HEATR5A: variants seen among roughly 807,000 people sequenced by gnomAD.
HEATR5A encodes the protein HEAT repeat-containing protein 5A.
Under a neutral mutation model 218.8 loss-of-function variants are expected in HEATR5A, and 178 were observed. That is an observed-to-expected ratio of 0.81 (90% CI 0.72 to 0.92). HEATR5A has a LOEUF of 0.92. Ranked by LOEUF, HEATR5A falls within the 40% of genes least tolerant of loss-of-function variation. The probability of loss-of-function intolerance (pLI) is 0.00; values close to 1 mark genes in which losing one functional copy is unlikely to be tolerated. For missense variants in HEATR5A, 2,420 were observed against 2,418.9 expected (o/e 1.00, Z -0.01); for synonymous variants, 864 against 871.6 (o/e 0.99, Z 0.15).
intron 28 of HEATR5A, 25 bp from the exon 29 acceptor site, chr14:31,309,207 A>G (rs1043600503): frequency 4.4e-6 from 7 of 1,602,182 alleles, no homozygotes; most frequent in African/African-American, 2.7e-5. Context: ...TTCAGGAAAA[A>G]TAAGAGATTA....
Position 31,302,323 on chromosome 14 carries a change from T to C in HEATR5A, c.5436A>G (p.Leu1812=), listed in dbSNP as rs909157282. The C allele has an allele frequency of 2.5e-6, 4 of 1,600,382 alleles. No homozygotes were observed. The highest frequency in any genetic ancestry group is 2.7e-5 in the African/African-American group (2 of 74,754). Residue 1812 remains leucine, a synonymous_variant, in exon 33 of 36, where the codon TTA becomes TTG. Transcript: ENST00000543095. ...TAWTDLLRSA[L]TTILDCWDPV... is the part of the protein sequence containing the mutation. ...GATCCCAACAGTCAAGAATTGTTGT[T>C]AAGGCACTTCGGAGAAGGTCAGTCC...
chr14:31,314,698 G>A (rs568412374), intron 27 of HEATR5A, among the ~76,000 whole-genome samples: 42 of 152,206 alleles, frequency 2.8e-4, no homozygotes, highest in African/African-American at 9.6e-4. Flanking sequence ...ACTGCACCTG[G>A]CCAGACCCAG....
At chr14:31,380,414 A>T in intron 11 of HEATR5A, 53 bp downstream of exon 11, 1 of 1,093,664 alleles carries the variant, frequency 9.1e-7, no homozygotes, top group Non-Finnish European at 1.4e-6. Flanking sequence ...GAATCATTTC[A>T]CTCAGAAAAC....
intron 21 of HEATR5A, among the ~76,000 whole-genome samples, chr14:31,338,803 T>G (rs1421568447): frequency 6.6e-6 from 1 of 152,000 alleles, no homozygotes; most frequent in South Asian, 2.1e-4. Flanking sequence ...AAAAGGTAGG[T>G]AGTAGGAGCT....
chr14:31,305,874 G>C (rs1899540452), intron 31 of HEATR5A, among the ~76,000 whole-genome samples: 1 of 152,080 alleles, frequency 6.6e-6, no homozygotes, highest in Non-Finnish European at 1.5e-5. Context: ...CCTATCTCTG[G>C]CCATCTATTT....
intron 16 of HEATR5A, among the ~76,000 whole-genome samples, chr14:31,358,257 G>C (rs1482306196): frequency 2.0e-5 from 3 of 152,124 alleles, no homozygotes; most frequent in African/African-American, 7.2e-5. Context: ...TCCAACTGAA[G>C]ACAAATCCCT....
At chr14:31,343,321 G>C (rs1900904189) in intron 21 of HEATR5A, among the ~76,000 whole-genome samples, 1 of 152,094 alleles carries the variant, frequency 6.6e-6, no homozygotes, top group Non-Finnish European at 1.5e-5. Flanking sequence ...TGCCCACCTT[G>C]GCCTCCCAAA....
rs577497140 is a variant in HEATR5A at position 31,344,268 on chromosome 14, C to CTTTTTTTTTTTTTTTTTTTTTT, written c.3059-225_3059-204dup. Among the ~76,000 whole-genome samples the CTTTTTTTTTTTTTTTTTTTTTT allele has an allele frequency of 1.8e-4, 9 of 50,832 alleles. 3 individuals carry two copies. The highest frequency in any genetic ancestry group is 6.5e-4 in the Admixed American group (2 of 3,058). The allele number at this position is 50,832 out of a possible 152,430, so 33.3% of individuals were successfully genotyped here. ...GTTACAGATTGTTAGATTAGTTATT[C>CTTTTTTTTTTTTTTTTTTTTTT]TTTTTTTTTTTTTTTTTTTTTTTTT... On this transcript the variant is annotated intron_variant, in intron 20 of 35. Transcript: ENST00000543095.
In HEATR5A at chr14:31,330,469, ATT is replaced by A. The variant is rs368666128; in HGVS notation, c.3368-4129_3368-4128del. ...GAGGTCTTTGACATGCCCTGGAGAC[ATT>A]TTCTTCATTGTCTTGGCAAAAAGAT... On this transcript the variant is annotated intron_variant, in intron 22 of 35. Coordinates refer to ENST00000543095, the MANE Select transcript of HEATR5A (RefSeq NM_015473.4). Among the ~76,000 whole-genome samples the A allele has an allele frequency of 2.1e-4, 32 of 152,036 alleles. 1 individual carries two copies. In the East Asian group the frequency reaches 4.8e-3, roughly 23 times the overall value.
In HEATR5A at chr14:31,345,108, T is replaced by TGGTA; in HGVS notation, c.3033_3036dup (p.Thr1013TyrfsTer10). The stretch of plus-strand genomic sequence containing the variant: ...ACACCTTGTAGCTCTGGACCTAACG[T>TGGTA]GGTAATAAGGGCATTCAAACAGCGA... On this transcript the variant is annotated frameshift_variant, in exon 20 of 36. Transcript: ENST00000543095. LOFTEE classifies it high-confidence loss of function. 1 of 1,613,016 alleles carries TGGTA rather than the reference T, an allele frequency of 6.2e-7. No homozygotes were observed. Among genetic ancestry groups the TGGTA allele is most frequent in the Middle Eastern group, 1.7e-4 (1 of 6,058 alleles).
chr14:31,317,678 A>T (rs1899957060), intron 26 of HEATR5A, among the ~76,000 whole-genome samples: 1 of 152,216 alleles, frequency 6.6e-6, no homozygotes, highest in African/African-American at 2.4e-5. Context: ...TCTTAAGTAT[A>T]TGAAAAAGTG....
At chr14:31,397,120 C>T (rs1258636868) in intron 4 of HEATR5A, among the ~76,000 whole-genome samples, 3 of 152,102 alleles carry the variant, frequency 2.0e-5, no homozygotes, top group Non-Finnish European at 4.4e-5. Flanking sequence ...ATCAGTTTTA[C>T]GTTAGAGTCT....
chr14:31,357,478 T>C (rs892109466), intron 16 of HEATR5A, among the ~76,000 whole-genome samples: 1 of 152,078 alleles, frequency 6.6e-6, no homozygotes, highest in African/African-American at 2.4e-5. Flanking sequence ...ATGACAGTGA[T>C]TTGTAAACTA....
In HEATR5A at chr14:31,292,465, TA is replaced by T. The variant is rs1899055921; in HGVS notation, c.*839del. On this transcript the variant is annotated 3_prime_UTR_variant, in exon 36 of 36. Transcript: ENST00000543095. ...TTATGTTGCACTGTAAGGCTGTAAG[TA>T]ATTTGTACTATTGTATACTGGATAA... is the stretch of plus-strand genomic sequence containing the variant. 6.6e-6 allele frequency: 1 copy of T among 152,202 alleles called. No homozygotes were observed. Among genetic ancestry groups the T allele is most frequent in the Non-Finnish European group, 1.5e-5 (1 of 68,028 alleles). 9.4% of individuals were successfully genotyped at this position (152,202 alleles called of 1,614,324 possible). A position where few individuals can be genotyped will look rare whatever the true frequency, so the allele number is the denominator to read the frequency against.
chr14:31,295,251 G>A (rs1899142357), intron 34 of HEATR5A, among the ~76,000 whole-genome samples: 1 of 152,002 alleles, frequency 6.6e-6, no homozygotes, highest in South Asian at 2.1e-4. Context: ...GTATGTGCTG[G>A]AGTCTTTTTT....
At position 31,395,118 on chromosome 14, in the gene HEATR5A, C is replaced by G. The variant is rs1222975165; in HGVS notation, c.597+81G>C. The G allele has an allele frequency of 4.4e-6, 4 of 919,270 alleles. No homozygotes were observed. The East Asian group carries it at 8.1e-5, about 19-fold the overall frequency. The allele number at this position is 919,270 out of a possible 1,614,324, so 56.9% of individuals were successfully genotyped here. A position where few individuals can be genotyped will look rare whatever the true frequency, so the allele number is the denominator to read the frequency against. On this transcript the variant is annotated intron_variant, in intron 5 of 35. Transcript: ENST00000543095. The stretch of plus-strand genomic sequence containing the variant: ...CTAGCTGACTACCAAGATCATGTAG[C>G]TTTTACTAATGCTTTCACAAAGAAG...
In HEATR5A at chr14:31,373,157, A is replaced by T. The variant is rs375654066; in HGVS notation, c.1862-1248T>A. Among the ~76,000 whole-genome samples the T allele has an allele frequency of 6.6e-5, 10 of 151,864 alleles. No homozygotes were observed. The East Asian group carries it at 1.8e-3, about 27-fold the overall frequency. On this transcript the variant is annotated intron_variant, in intron 12 of 35. Coordinates refer to ENST00000543095, the MANE Select transcript of HEATR5A (RefSeq NM_015473.4). ...GGCTGGTCTTGAACTCCTGAGCTCA[A>T]GCAATCCACTCATCTCGGCCTCCAA...
At chr14:31,326,809 A>AT (rs994746858) in intron 22 of HEATR5A, among the ~76,000 whole-genome samples, 8 of 150,536 alleles carry the variant, frequency 5.3e-5, no homozygotes, top group African/African-American at 2.0e-4. Context: ...CGCCCAGCTA[A>AT]TTTTTTTTTA....
intron 21 of HEATR5A, among the ~76,000 whole-genome samples, chr14:31,343,167 A>C (rs1282517084): frequency 6.7e-6 from 1 of 148,922 alleles, no homozygotes; most frequent in Non-Finnish European, 1.5e-5. Flanking sequence ...ATCTCGGCTC[A>C]CTGCAACCTC....
Sources: gnomAD v4.1 joint callset for allele counts (sites outside exome capture counted in the v4.1 genomes callset) on GRCh38, gnomAD v4.1.1 for gene constraint, MANE v1.5 for transcripts, NCBI Gene and HGNC (gene_info 2026-07-23, HGNC 2026-07-21) for gene names.